The following CYFIP1 variants were observed in gnomAD, a reference collection of about 807,000 sequenced individuals.
CYFIP1 encodes the protein cytoplasmic FMR1 interacting protein 1.
In CYFIP1, 58 loss-of-function variants were observed where a neutral mutation model predicts 163.5. The observed-to-expected ratio is 0.35, with a 90% CI of 0.29 to 0.44. CYFIP1 has a LOEUF of 0.44. Ranked by LOEUF, CYFIP1 falls within the 20% of genes least tolerant of loss-of-function variation. The pLI is 1.00. For synonymous variants in CYFIP1, 663 were observed against 660.7 expected (o/e 1.00, Z -0.05); for missense variants, 1,338 against 1,653.8 (o/e 0.81, Z 3.31).
At chr15:22,884,330 G>C (rs1210655705) in intron 23 of CYFIP1, among the ~76,000 whole-genome samples, 1 of 152,224 alleles carries the variant, frequency 6.6e-6, no homozygotes, top group East Asian at 1.9e-4. Context: ...AGATACAATA[G>C]GGGTACAGGC....
chr15:22,876,741 G>C (rs749625117), intron 26 of CYFIP1, among the ~76,000 whole-genome samples: 1 of 151,848 alleles, frequency 6.6e-6, no homozygotes, highest in Non-Finnish European at 1.5e-5. Context: ...TGAGGCAGGA[G>C]AATCACTTGA....
rs1365928311 is a variant in CYFIP1, at chr15:22,869,482, AT to A, written c.*545del. On this transcript the variant is annotated 3_prime_UTR_variant, in exon 31 of 31. Transcript: ENST00000617928. Reference sequence around the variant, plus strand: ...AACACAAATAGATCTCATTAGTTTTATTTCTATAACCTTTCGATCTGATGTC... The same window carrying A: ...AACACAAATAGATCTCATTAGTTTTATTCTATAACCTTTCGATCTGATGTC... 2 of 151,976 alleles carry A rather than the reference AT, an allele frequency of 1.3e-5. No individual in the cohort carries two copies. Among genetic ancestry groups the A allele is most frequent in the African/African-American group, 2.4e-5 (1 of 41,208 alleles). 9.4% of individuals were successfully genotyped at this position (151,976 alleles called of 1,614,324 possible). A position where few individuals can be genotyped will look rare whatever the true frequency, so the allele number is the denominator to read the frequency against.
intron 11 of CYFIP1, among the ~76,000 whole-genome samples, chr15:22,929,141 A>G (rs1256644152): frequency 6.6e-6 from 1 of 151,088 alleles, no homozygotes; most frequent in East Asian, 1.9e-4. Context: ...AATTGCTAGA[A>G]CCCAGGAGGC....
At chr15:22,947,345 A>G in intron 1 of CYFIP1, 54 bp from the exon 2 acceptor site, 1 of 1,588,088 alleles carries the variant, frequency 6.3e-7, no homozygotes, top group Non-Finnish European at 8.6e-7. Flanking sequence ...GGGACACCCA[A>G]CAAGCTTCGA....
intron 1 of CYFIP1, among the ~76,000 whole-genome samples, chr15:22,957,518 G>C (rs367826124): frequency 4.0e-4 from 61 of 152,162 alleles, no homozygotes; most frequent in South Asian, 8.3e-4. Context: ...CGCCTGTAGT[G>C]CCAGCTACTA....
intron 16 of CYFIP1, 34 bp from the exon 17 acceptor site, chr15:22,914,916 C>T (rs774642181): frequency 2.5e-6 from 4 of 1,570,884 alleles, no homozygotes; most frequent in East Asian, 2.3e-5. Context: ...TGTTATCTCC[C>T]GCAAGCAAAA....
chr15:22,874,263 T>C (rs1419978645), intron 28 of CYFIP1, among the ~76,000 whole-genome samples: 2 of 152,224 alleles, frequency 1.3e-5, no homozygotes, highest in Non-Finnish European at 2.9e-5. Context: ...TAAACACCTA[T>C]GGGAAAGCCT....
intron 13 of CYFIP1, among the ~76,000 whole-genome samples, chr15:22,921,217 A>T (rs559444485): frequency 6.6e-5 from 10 of 151,824 alleles, no homozygotes; most frequent in Non-Finnish European, 1.5e-4. Context: ...AAAATACAAA[A>T]ATTAGCCTGG....
chr15:22,903,989 C>T, intron 21 of CYFIP1, 84 bp from the exon 22 acceptor site: 1 of 1,283,386 alleles, frequency 7.8e-7, no homozygotes, highest in Non-Finnish European at 1.1e-6. Flanking sequence ...CCACCCAGGC[C>T]TCACAGTCCC....
chr15:22,882,817 G>T lies in CYFIP1; in HGVS notation c.2820+51C>A, dbSNP rs550280905. On this transcript the variant is annotated intron_variant, in intron 24 of 30. Transcript: ENST00000617928. ...GCAGAGAAGACCCTCTGGCATGGGT[G>T]CCCCAGGGAATCCAGGCTGTGTGAA... The T allele has an allele frequency of 4.4e-6, 7 of 1,584,408 alleles. No individual in the cohort carries two copies. In the South Asian group the frequency reaches 5.7e-5, roughly 13 times the overall value.
intron 1 of CYFIP1, among the ~76,000 whole-genome samples, chr15:22,957,505 G>A (rs987176060): frequency 4.6e-5 from 7 of 152,112 alleles, no homozygotes; most frequent in Admixed American, 2.0e-4. Flanking sequence ...GCATGGTGGC[G>A]GGCGCCTGTA....
chr15:22,894,330 C>T, intron 22 of CYFIP1, among the ~76,000 whole-genome samples: 1 of 140,690 alleles, frequency 7.1e-6, no homozygotes, highest in Middle Eastern at 4.1e-3. Context: ...GCTCTTGATG[C>T]CCAGGCTGGA....
rs191489694 is a variant in CYFIP1 at position 22,899,945 on chromosome 15, G to C, written c.2588+3761C>G. Among the ~76,000 whole-genome samples, 166 of 152,280 alleles carry C rather than the reference G, an allele frequency of 1.1e-3. 2 individuals carry two copies. In the East Asian group the frequency reaches 0.031, roughly 29 times the overall value. On this transcript the variant is annotated intron_variant, in intron 22 of 30. Coordinates refer to ENST00000617928, the MANE Select transcript of CYFIP1 (RefSeq NM_014608.6). Reference sequence around the variant, plus strand: ...CACCTGTAATCCCAGCTGCTCAGGAGGCTGTGGCAGGAGAATCGCTTGAAC... The same window carrying C: ...CACCTGTAATCCCAGCTGCTCAGGACGCTGTGGCAGGAGAATCGCTTGAAC...
chr15:22,942,585 C>A (rs992955579), intron 6 of CYFIP1, among the ~76,000 whole-genome samples: 1 of 152,158 alleles, frequency 6.6e-6, no homozygotes, highest in Non-Finnish European at 1.5e-5. Flanking sequence ...CTCTTCCGCT[C>A]GTCTTGCCAG....
intron 30 of CYFIP1, among the ~76,000 whole-genome samples, chr15:22,870,858 G>A (rs1227338795): frequency 6.6e-6 from 1 of 152,188 alleles, no homozygotes; most frequent in Non-Finnish European, 1.5e-5. Flanking sequence ...TGGAAATACT[G>A]TGACGGGATA....
At chr15:22,886,223 G>C (rs1327395153) in intron 23 of CYFIP1, among the ~76,000 whole-genome samples, 1 of 152,092 alleles carries the variant, frequency 6.6e-6, no homozygotes, top group South Asian at 2.1e-4. Context: ...GACTCATGGG[G>C]GTTATGAGGA....
intron 14 of CYFIP1, 53 bp downstream of exon 14, chr15:22,918,639 G>C (rs2061076227): frequency 6.9e-7 from 1 of 1,458,734 alleles, no homozygotes; most frequent in South Asian, 1.4e-5. Context: ...TTGAATCCAA[G>C]TTCATCCGAG....
At position 22,933,805 on chromosome 15, in the gene CYFIP1, G is replaced by A; in HGVS notation, c.989C>T (p.Ser330Phe). Reference protein sequence around the residue: ...KTSAHYEENKSRWTCTSSGSS... With the variant: ...KTSAHYEENKFRWTCTSSGSS... Reference sequence around the variant, plus strand: ...GGCAGCTTTCCTCTCCTCCTACCGAGATTTATTTTCCTCGTAGTGGGCGCT... The same window carrying A: ...GGCAGCTTTCCTCTCCTCCTACCGAAATTTATTTTCCTCGTAGTGGGCGCT... The change falls in exon 10 of 31, where the codon TCT becomes TTT. Residue 330 changes from serine (S) to phenylalanine (F), a missense_variant. This residue lies in a region of CYFIP1 where 824 missense variants were observed against 995.7 expected (regional missense o/e 0.83). Coordinates refer to ENST00000617928, the MANE Select transcript of CYFIP1 (RefSeq NM_014608.6). 1.9e-6 allele frequency: 3 copies of A among 1,611,886 alleles called. No individual in the cohort carries two copies. The highest frequency in any genetic ancestry group is 1.7e-6 in the Non-Finnish European group (2 of 1,179,000).
At position 22,867,812 on chromosome 15, in the gene CYFIP1, C is replaced by T. The variant is rs998898982; in HGVS notation, c.*2216G>A. On this transcript the variant is annotated 3_prime_UTR_variant, in exon 31 of 31. Coordinates refer to ENST00000617928, the MANE Select transcript of CYFIP1 (RefSeq NM_014608.6). ...GTACCAAGTACTTTGCTTAAGAGCT[C>T]CTTTGGGCCACTACATATTTTGGTT... 1 of 151,854 alleles carries T rather than the reference C, an allele frequency of 6.6e-6. No individual in the cohort carries two copies. The highest frequency in any genetic ancestry group is 2.4e-5 in the African/African-American group (1 of 41,338). 9.4% of individuals were successfully genotyped at this position (151,854 alleles called of 1,614,324 possible). A position where few individuals can be genotyped will look rare whatever the true frequency, so the allele number is the denominator to read the frequency against.
Sources: gnomAD v4.1 joint callset for allele counts (sites outside exome capture counted in the v4.1 genomes callset) on GRCh38, gnomAD v4.1.1 for gene constraint, gnomAD v4.1.1 regional missense constraint, MANE v1.5 for transcripts, NCBI Gene and HGNC (gene_info 2026-07-23, HGNC 2026-07-21) for gene names.